GORASP2: variants seen among roughly 807,000 people sequenced by gnomAD.
GORASP2 encodes the protein golgi reassembly stacking protein 2, also known as Golgi reassembly-stacking protein 2.
Under a neutral mutation model 45.7 loss-of-function variants are expected in GORASP2, and 22 were observed. The observed-to-expected ratio is 0.48, with a 90% CI of 0.34 to 0.69. GORASP2 has a LOEUF of 0.69. GORASP2 is among the 30% of genes least tolerant of loss of function. GORASP2 has a pLI of 0.01. For missense variants in GORASP2, 491 were observed against 562.7 expected (o/e 0.87, Z 1.29); for synonymous variants, 221 against 215.6 (o/e 1.02, Z -0.22).
intron 1 of GORASP2, among the ~76,000 whole-genome samples, chr2:170,947,884 G>A (rs1704213539): frequency 1.3e-5 from 2 of 152,184 alleles, no homozygotes; most frequent in Admixed American, 6.5e-5. Context: ...ACTTTGGGAG[G>A]TTGAGGCAGG....
intron 4 of GORASP2, among the ~76,000 whole-genome samples, chr2:170,950,860 T>C (rs1041195550): frequency 2.6e-5 from 4 of 152,120 alleles, no homozygotes; most frequent in Admixed American, 2.6e-4. Flanking sequence ...TGCATGCCTA[T>C]AGTCCCAGCT....
chr2:170,957,588 T>C (rs1327137386), intron 7 of GORASP2, among the ~76,000 whole-genome samples: 2 of 152,364 alleles, frequency 1.3e-5, no homozygotes, highest in Non-Finnish European at 2.9e-5. Flanking sequence ...CTTCCTTTTC[T>C]TCATCCCTTG....
intron 3 of GORASP2, 100 bp downstream of exon 3, chr2:170,949,842 T>C: frequency 9.3e-7 from 1 of 1,070,664 alleles, no homozygotes; most frequent in Non-Finnish European, 1.4e-6. Context: ...GTAAGGATAT[T>C]ATTAATAGGC....
At chr2:170,942,918 C>G (rs564462449) in intron 1 of GORASP2, among the ~76,000 whole-genome samples, 1 of 152,292 alleles carries the variant, frequency 6.6e-6, no homozygotes, top group East Asian at 1.9e-4. Context: ...GAAATAGTAT[C>G]TTGCGGTTTT....
In GORASP2 at chr2:170,932,007, C is replaced by T. The variant is rs192982814; in HGVS notation, c.63+2604C>T. 1.2e-4 allele frequency among the ~76,000 whole-genome samples: 18 copies of T among 152,338 alleles called. 1 individual carries two copies. The highest frequency in any genetic ancestry group is 1.5e-5 in the Non-Finnish European group (1 of 68,034). ...TTGGGAGGCCGAGGTGGGCGGATCA[C>T]CTGAGGTCAGGAGTTCGAGACCAGC... On this transcript the variant is annotated intron_variant, in intron 1 of 9. Coordinates refer to ENST00000234160, the MANE Select transcript of GORASP2 (RefSeq NM_015530.5).
chr2:170,963,470 T>TCCTCCC (rs1553599771), intron 9 of GORASP2, among the ~76,000 whole-genome samples: 1 of 66,490 alleles, frequency 1.5e-5, no homozygotes, highest in South Asian at 5.7e-4. Flanking sequence ...CTCCTCCTCC[T>TCCTCCC]CCCCCTCCTC....
At chr2:170,942,994 G>T (rs562867877) in intron 1 of GORASP2, among the ~76,000 whole-genome samples, 6 of 152,154 alleles carry the variant, frequency 3.9e-5, no homozygotes, top group Admixed American at 1.3e-4. Context: ...TCCTTTGTTG[G>T]ATATGTATTA....
chr2:170,956,710 C>A, intron 7 of GORASP2, 151 bp downstream of exon 7: 1 of 596,578 alleles, frequency 1.7e-6, no homozygotes, highest in Non-Finnish European at 2.8e-6. Context: ...GAGTTCTAAA[C>A]CAGCATGGGC....
intron 1 of GORASP2, among the ~76,000 whole-genome samples, chr2:170,941,412 G>A (rs1417328805): frequency 6.6e-6 from 1 of 152,064 alleles, no homozygotes; most frequent in East Asian, 1.9e-4. Context: ...TTTGATACAG[G>A]GAGCATCTTT....
intron 1 of GORASP2, among the ~76,000 whole-genome samples, chr2:170,936,244 T>TTG (rs1703950754): frequency 6.6e-6 from 1 of 150,546 alleles, no homozygotes; most frequent in Non-Finnish European, 1.5e-5. Flanking sequence ...TTTTTTTTTT[T>TTG]GAAGCAGGGT....
chr2:170,966,689 C>G lies in GORASP2; in HGVS notation c.*559C>G, dbSNP rs3821089. On this transcript the variant is annotated 3_prime_UTR_variant, in exon 10 of 10. Transcript: ENST00000234160. ...TCTACAGCGCGCACTGTTAACTGAA[C>G]GTCTTTTTCTTCAGCCTATACGCGG... 1 of 155,920 alleles carries G rather than the reference C, an allele frequency of 6.4e-6. No homozygotes were observed. The highest frequency in any genetic ancestry group is 1.4e-5 in the Non-Finnish European group (1 of 70,052). The allele number at this position is 155,920 out of a possible 1,614,324, so 9.7% of individuals were successfully genotyped here.
chr2:170,943,784 CGCCTT>C (rs1704126702), intron 1 of GORASP2, among the ~76,000 whole-genome samples: 1 of 152,116 alleles, frequency 6.6e-6, no homozygotes, highest in East Asian at 1.9e-4. Context: ...GCAATCCTCC[CGCCTT>C]AGCTTCCTGA....
chr2:170,949,833 T>A, intron 3 of GORASP2, 91 bp downstream of exon 3: 1 of 1,141,742 alleles, frequency 8.8e-7, no homozygotes, highest in Non-Finnish European at 1.3e-6. Flanking sequence ...AATAAGATTG[T>A]AAGGATATTA....
intron 1 of GORASP2, among the ~76,000 whole-genome samples, chr2:170,933,363 C>A (rs777958318): frequency 6.6e-6 from 1 of 152,104 alleles, no homozygotes; most frequent in Non-Finnish European, 1.5e-5. Context: ...TGTTTAATAT[C>A]AAATTTTTGC....
chr2:170,942,724 G>A (rs867810059), intron 1 of GORASP2, among the ~76,000 whole-genome samples: 1 of 152,136 alleles, frequency 6.6e-6, no homozygotes, highest in Non-Finnish European at 1.5e-5. Flanking sequence ...TTGTATACCT[G>A]GAGTGGAATT....
intron 6 of GORASP2, 79 bp from the exon 7 acceptor site, chr2:170,956,357 G>T: frequency 7.8e-7 from 1 of 1,278,276 alleles, no homozygotes; most frequent in African/African-American, 1.5e-5. Flanking sequence ...CTATCTGCAG[G>T]GCAAGTAAGA....
intron 7 of GORASP2, among the ~76,000 whole-genome samples, chr2:170,960,245 A>G (rs911414228): frequency 2.0e-5 from 3 of 152,246 alleles, no homozygotes; most frequent in African/African-American, 7.2e-5. Context: ...AGTGCCTTGA[A>G]CAATGTGTAA....
In GORASP2 at chr2:170,956,447, C is replaced by T; in HGVS notation, c.711C>T (p.Ser237=). The T allele has an allele frequency of 6.2e-7, 1 of 1,610,936 alleles. No individual in the cohort carries two copies. Among genetic ancestry groups the T allele is most frequent in the Non-Finnish European group, 8.5e-7 (1 of 1,179,136 alleles). The change falls in exon 7 of 10, where the codon TCC becomes TCT. Residue 237 remains serine (S), a synonymous_variant. Transcript: ENST00000234160. Reference sequence around the variant, plus strand: ...TCTTTTTTTGGAAGGTCCAGCTGTCCTCAGTTAATCCCCCGTCTTTGTCAC... The same window carrying T: ...TCTTTTTTTGGAAGGTCCAGCTGTCTTCAGTTAATCCCCCGTCTTTGTCAC... ...LKDGFTEVQL[S]SVNPPSLSPP... is the part of the protein sequence containing the mutation.
At chr2:170,941,508 T>C (rs1286417499) in intron 1 of GORASP2, among the ~76,000 whole-genome samples, 1 of 152,178 alleles carries the variant, frequency 6.6e-6, no homozygotes, top group Non-Finnish European at 1.5e-5. Context: ...CAGCCTCTTA[T>C]CCCTTTCCAG....
Sources: allele counts gnomAD v4.1 joint callset (sites outside exome capture counted in the v4.1 genomes callset), GRCh38; gene constraint gnomAD v4.1.1; transcripts MANE v1.5; gene names NCBI Gene and HGNC (gene_info 2026-07-23, HGNC 2026-07-21).